Variants in CNBD2 observed in about 807,000 individuals in gnomAD.
The protein encoded by CNBD2 is cyclic nucleotide-binding domain-containing protein 2.
A neutral mutation model predicts 63.7 loss-of-function variants in CNBD2; 64 were observed. The observed-to-expected ratio is 1.00, with a 90% CI of 0.82 to 1.24. CNBD2 has a LOEUF of 1.24. Ranked by LOEUF, CNBD2 falls within the 50% of genes most tolerant of loss-of-function variation. The pLI is 0.00. For synonymous variants in CNBD2, 229 were observed against 255.4 expected (o/e 0.90, Z 0.99); for missense variants, 691 against 713.5 (o/e 0.97, Z 0.36).
intron 9 of CNBD2, among the ~76,000 whole-genome samples, chr20:36,010,533 G>A (rs1378619032): frequency 6.6e-6 from 1 of 152,092 alleles, no homozygotes; most frequent in Admixed American, 6.5e-5. Flanking sequence ...CACTCTGGGA[G>A]GCCAAAGCGG....
At chr20:35,990,474 T>C (rs2056730207) in intron 7 of CNBD2, among the ~76,000 whole-genome samples, 1 of 151,590 alleles carries the variant, frequency 6.6e-6, no homozygotes, top group Admixed American at 6.6e-5. Context: ...CTACTAAAAA[T>C]ATAAAAATTA....
chr20:35,995,189 C>G (rs376775289), intron 8 of CNBD2, 37 bp downstream of exon 8: 13 of 1,418,586 alleles, frequency 9.2e-6, no homozygotes, highest in South Asian at 1.2e-5. Context: ...CAGGGGGCGC[C>G]TGGGCCTGTC....
intron 11 of CNBD2, among the ~76,000 whole-genome samples, chr20:36,027,839 T>C (rs980022561): frequency 2.6e-5 from 4 of 152,070 alleles, no homozygotes; most frequent in Non-Finnish European, 4.4e-5. Flanking sequence ...CACACCTGAC[T>C]ACTTTTAGTA....
upstream of CNBD2, among the ~76,000 whole-genome samples, chr20:35,964,223 C>T (rs2056328189): frequency 6.6e-6 from 1 of 152,012 alleles, no homozygotes; most frequent in South Asian, 2.1e-4. Flanking sequence ...TCTTGTTGCC[C>T]AGGCTGGAGT....
Position 36,008,406 on chromosome 20 carries a change from G to C in CNBD2, c.1080G>C (p.Gly360=). ...TCAAAAAAGCCTGGGGGCTACAGGG[G>C]ACAAGCTTCAGCAGGAAGATCAGAA... ...PHLKKAWGLQ[G]TSFSRKIRTS... Residue 360 remains glycine, a synonymous_variant, in exon 9 of 12, where the codon GGG becomes GGC. Transcript: ENST00000373973. 6.2e-7 allele frequency: 1 copy of C among 1,614,112 alleles called. No individual in the cohort carries two copies. The highest frequency in any genetic ancestry group is 8.5e-7 in the Non-Finnish European group (1 of 1,180,026).
chr20:35,975,292 C>A (rs1202800048), intron 2 of CNBD2, among the ~76,000 whole-genome samples: 1 of 125,074 alleles, frequency 8.0e-6, no homozygotes, highest in East Asian at 2.2e-4. Context: ...TGAGCCACCG[C>A]GCCCGGCCTC....
At chr20:35,970,039 C>G (rs1437922066) in intron 1 of CNBD2, among the ~76,000 whole-genome samples, 1 of 152,086 alleles carries the variant, frequency 6.6e-6, no homozygotes, top group Non-Finnish European at 1.5e-5. Flanking sequence ...GCCTGTAATC[C>G]CAGCACTTTG....
intron 8 of CNBD2, among the ~76,000 whole-genome samples, chr20:36,001,757 C>T (rs1184182978): frequency 9.8e-5 from 14 of 142,766 alleles, no homozygotes; most frequent in East Asian, 4.5e-4. Context: ...ACATCCCAGA[C>T]GGGGTGGCGG....
intron 7 of CNBD2, among the ~76,000 whole-genome samples, chr20:35,991,492 T>TGAGG: frequency 6.6e-6 from 1 of 152,288 alleles, no homozygotes; most frequent in Non-Finnish European, 1.5e-5. Context: ...TTCCTTCTCC[T>TGAGG]CCTTGATATT....
At chr20:35,968,881 T>C in intron 1 of CNBD2, 68 bp downstream of exon 1, 1 of 1,252,702 alleles carries the variant, frequency 8.0e-7, no homozygotes, top group Non-Finnish European at 1.1e-6. Context: ...TTGAGGAAGG[T>C]CGATGCAGGT....
intron 8 of CNBD2, among the ~76,000 whole-genome samples, chr20:35,995,734 T>C (rs2056815939): frequency 6.6e-6 from 1 of 152,258 alleles, no homozygotes; most frequent in South Asian, 2.1e-4. Flanking sequence ...TGAACATTTG[T>C]ATGCAAGTTT....
intron 3 of CNBD2, 24 bp downstream of exon 3, chr20:35,976,026 G>A: frequency 4.4e-6 from 7 of 1,594,048 alleles, no homozygotes; most frequent in Non-Finnish European, 6.0e-6. Flanking sequence ...GAAACTTGCT[G>A]TGGGGGAATT....
intron 2 of CNBD2, among the ~76,000 whole-genome samples, chr20:35,962,257 C>CTTTTTT (rs917656604): frequency 7.6e-6 from 1 of 131,542 alleles, no homozygotes; most frequent in African/African-American, 2.8e-5. Flanking sequence ...TCCCTGCAGT[C>CTTTTTT]TTTTTTTTTT....
rs750678100 is a variant in CNBD2, at chr20:35,984,811, CT to C, written c.716+35del. On this transcript the variant is annotated intron_variant, in intron 6 of 11. Coordinates refer to ENST00000373973, the MANE Select transcript of CNBD2 (RefSeq NM_001365709.1). ...TGCCTTCATTCAACATTTTTTTCCC[CT>C]TGTGTGTTTATTAGCTGCCTGACTT... 1.4e-5 allele frequency: 22 copies of C among 1,610,484 alleles called. No individual in the cohort carries two copies. The East Asian group carries it at 4.9e-4, about 36-fold the overall frequency.
intron 8 of CNBD2, among the ~76,000 whole-genome samples, chr20:36,002,839 T>G (rs1033292933): frequency 1.3e-5 from 2 of 152,126 alleles, no homozygotes; most frequent in African/African-American, 4.8e-5. Context: ...AAAAAATTAT[T>G]TGTCTCTCCC....
intron 8 of CNBD2, among the ~76,000 whole-genome samples, chr20:36,005,693 G>A (rs1287517032): frequency 6.6e-6 from 1 of 152,082 alleles, no homozygotes; most frequent in South Asian, 2.1e-4. Context: ...GCTCACACCT[G>A]TAATCCCAGC....
At chr20:35,995,216 G>A in intron 8 of CNBD2, 64 bp downstream of exon 8, 1 of 1,069,432 alleles carries the variant, frequency 9.4e-7, no homozygotes. Context: ...CCAGTTCCCA[G>A]CACATAGAGC....
At chr20:35,960,424 C>T (rs903820306) in intron 2 of CNBD2, among the ~76,000 whole-genome samples, 3 of 152,344 alleles carry the variant, frequency 2.0e-5, no homozygotes, top group South Asian at 4.1e-4. Flanking sequence ...ATCACTGCAG[C>T]GTCAAACTCC....
At chr20:35,968,154 A>G (rs933669917), upstream of CNBD2, among the ~76,000 whole-genome samples, 3 of 152,162 alleles carry the variant, frequency 2.0e-5, no homozygotes, top group Non-Finnish European at 4.4e-5. Flanking sequence ...TTTCAATCAC[A>G]TGCAAATTAA....
Sources: allele counts gnomAD v4.1 joint callset (sites outside exome capture counted in the v4.1 genomes callset), GRCh38; gene constraint gnomAD v4.1.1; transcripts MANE v1.5; gene names NCBI Gene and HGNC (gene_info 2026-07-23, HGNC 2026-07-21).